TRAPPC9: variants seen among roughly 807,000 people sequenced by gnomAD.
The protein encoded by TRAPPC9 is IKK2 binding protein.
A neutral mutation model predicts 124.0 loss-of-function variants in TRAPPC9; 83 were observed. The ratio of observed to expected loss-of-function variants is 0.67; its 90% CI spans 0.56 to 0.80. The LOEUF (loss-of-function observed/expected upper bound fraction) is 0.80, where lower values mean the gene tolerates loss of function less well. TRAPPC9 is among the 30% of genes least tolerant of loss of function. The pLI, the probability that TRAPPC9 is intolerant of heterozygous loss-of-function variation, is 0.00. For synonymous variants in TRAPPC9, 638 were observed against 617.5 expected (o/e 1.03, Z -0.49); for missense variants, 1,302 against 1,508.3 (o/e 0.86, Z 2.27).
At chr8:140,421,951 G>C (rs1564013228) in intron 5 of TRAPPC9, among the ~76,000 whole-genome samples, 1 of 112,446 alleles carries the variant, frequency 8.9e-6, no homozygotes, top group Non-Finnish European at 1.7e-5. Flanking sequence ...GCCGAACTCT[G>C]CAAGGTGAAT....
chr8:140,023,276 A>G (rs982309353), intron 18 of TRAPPC9, among the ~76,000 whole-genome samples: 14 of 152,190 alleles, frequency 9.2e-5, no homozygotes, highest in African/African-American at 3.4e-4. Context: ...CACTACTCCA[A>G]CATCACCAGA....
chr8:139,975,328 G>C (rs929372450), intron 19 of TRAPPC9, among the ~76,000 whole-genome samples: 1 of 152,182 alleles, frequency 6.6e-6, no homozygotes, highest in Admixed American at 6.5e-5. Flanking sequence ...AGAGCACCTG[G>C]AGGGCCTCTT....
chr8:140,394,670 C>T (rs2069034770), intron 7 of TRAPPC9, among the ~76,000 whole-genome samples: 1 of 136,630 alleles, frequency 7.3e-6, no homozygotes, highest in African/African-American at 2.5e-5. Flanking sequence ...CCTCAGCCTG[C>T]GTTGGGGCCT....
At chr8:140,163,238 A>C (rs995604344) in intron 17 of TRAPPC9, among the ~76,000 whole-genome samples, 1 of 152,140 alleles carries the variant, frequency 6.6e-6, no homozygotes, top group African/African-American at 2.4e-5. Context: ...CTCCAGAAGC[A>C]CAGCAGCTTG....
intron 17 of TRAPPC9, among the ~76,000 whole-genome samples, chr8:140,077,345 A>G (rs969706914): frequency 6.6e-6 from 1 of 152,224 alleles, no homozygotes; most frequent in African/African-American, 2.4e-5. Flanking sequence ...TGGGTGAATG[A>G]ACATAATCCT....
Position 140,063,764 on chromosome 8 carries a change from C to G in TRAPPC9, c.2557-39685G>C, listed in dbSNP as rs115287432. On this transcript the variant is annotated intron_variant, in intron 17 of 22. Transcript: ENST00000438773. The surrounding 1 kb of genome is among the most constrained non-coding windows in gnomAD (Gnocchi z 4.3). ...TTTCCTTAAGAGCGGGACTTGCGGG[C>G]GGGGTATGCATCAAATTTCTCCGAG... Among the ~76,000 whole-genome samples, 1 of 152,056 alleles carries G rather than the reference C, an allele frequency of 6.6e-6. No individual in the cohort carries two copies.
At chr8:140,033,606 T>C (rs1840639436) in intron 17 of TRAPPC9, among the ~76,000 whole-genome samples, 1 of 148,936 alleles carries the variant, frequency 6.7e-6, no homozygotes, top group Admixed American at 6.7e-5. Context: ...ACAAAATTTG[T>C]CCATTTCATC....
rs117647896 is a variant in TRAPPC9, at chr8:139,856,263, G to T, written c.3055+29616C>A. 4.6e-4 allele frequency among the ~76,000 whole-genome samples: 70 copies of T among 152,252 alleles called. No homozygotes were observed. In the East Asian group the frequency reaches 0.011, roughly 25 times the overall value. The stretch of plus-strand genomic sequence containing the variant: ...GGCACTGGAGGGGCTGCAGGTTGGG[G>T]ACTGAATTTCAGCATACCTCTTCCA... On this transcript the variant is annotated intron_variant, in intron 21 of 22. Transcript: ENST00000438773.
intron 21 of TRAPPC9, among the ~76,000 whole-genome samples, chr8:139,831,679 C>T (rs1826004949): frequency 6.6e-6 from 1 of 152,216 alleles, no homozygotes; most frequent in African/African-American, 2.4e-5. Flanking sequence ...CCCCACCCCT[C>T]ACTGAGCCCC....
chr8:139,940,292 T>C (rs1359577728), intron 19 of TRAPPC9, among the ~76,000 whole-genome samples: 1 of 152,188 alleles, frequency 6.6e-6, no homozygotes, highest in Non-Finnish European at 1.5e-5. Flanking sequence ...CTGACACAAA[T>C]TACTAGACAG....
At chr8:140,006,210 T>C (rs956399935) in intron 18 of TRAPPC9, among the ~76,000 whole-genome samples, 2 of 152,174 alleles carry the variant, frequency 1.3e-5, no homozygotes, top group African/African-American at 2.4e-5. Context: ...TTGTGAAGGG[T>C]CTCTGAAGCT....
intron 21 of TRAPPC9, among the ~76,000 whole-genome samples, chr8:139,824,547 T>A (rs1035708019): frequency 1.3e-5 from 2 of 152,144 alleles, no homozygotes; most frequent in African/African-American, 4.8e-5. Context: ...TATTTATATT[T>A]ATGTTATTTT....
intron 21 of TRAPPC9, among the ~76,000 whole-genome samples, chr8:139,845,751 C>G (rs922417857): frequency 2.0e-5 from 3 of 152,192 alleles, no homozygotes; most frequent in African/African-American, 7.2e-5. Context: ...GTCTGCCTCT[C>G]GATTTTAATG....
At chr8:139,915,271 C>A (rs1391619443) in intron 19 of TRAPPC9, among the ~76,000 whole-genome samples, 1 of 152,080 alleles carries the variant, frequency 6.6e-6, no homozygotes, top group Non-Finnish European at 1.5e-5. Flanking sequence ...TTTTGAGACA[C>A]AGTCTTGCTC....
In TRAPPC9 at chr8:140,032,198, C is replaced by T. The variant is rs558580112; in HGVS notation, c.2557-8119G>A. Reference sequence around the variant, plus strand: ...TCACACCTGGAGTTACATACTTTGTCGATAAGAAGTGTATTCAGTCATTTA... The same window carrying T: ...TCACACCTGGAGTTACATACTTTGTTGATAAGAAGTGTATTCAGTCATTTA... On this transcript the variant is annotated intron_variant, in intron 17 of 22. Transcript: ENST00000438773. Among the ~76,000 whole-genome samples the T allele has an allele frequency of 5.9e-5, 9 of 152,266 alleles. No homozygotes were observed. In the South Asian group the frequency reaches 1.9e-3, roughly 32 times the overall value.
At chr8:140,076,599 T>A (rs1039989526) in intron 17 of TRAPPC9, among the ~76,000 whole-genome samples, 2 of 152,182 alleles carry the variant, frequency 1.3e-5, no homozygotes, top group African/African-American at 4.8e-5. Flanking sequence ...TGGGTGCCCA[T>A]CTGAAACTCA....
intron 21 of TRAPPC9, among the ~76,000 whole-genome samples, chr8:139,739,187 C>T (rs1345419225): frequency 6.6e-6 from 1 of 152,014 alleles, no homozygotes; most frequent in African/African-American, 2.4e-5. Context: ...AGTAGAGTGG[C>T]TCCACCACCG....
chr8:139,771,336 C>T (rs1300745622), intron 21 of TRAPPC9, among the ~76,000 whole-genome samples: 2 of 152,156 alleles, frequency 1.3e-5, no homozygotes, highest in African/African-American at 4.8e-5. Context: ...GTCCTGGCGC[C>T]TCCTGTCACT....
At chr8:139,945,735 A>C (rs757383561) in intron 19 of TRAPPC9, among the ~76,000 whole-genome samples, 13 of 152,184 alleles carry the variant, frequency 8.5e-5, no homozygotes, top group Non-Finnish European at 1.9e-4. Flanking sequence ...TCATGAGACA[A>C]GTCTGAATAG....
Sources: allele counts gnomAD v4.1 joint callset (sites outside exome capture counted in the v4.1 genomes callset), GRCh38; gene constraint gnomAD v4.1.1; non-coding constraint Gnocchi (gnomAD v3.1); transcripts MANE v1.5; gene names NCBI Gene and HGNC (gene_info 2026-07-23, HGNC 2026-07-21).